Variants in RMND5A observed in about 807,000 individuals in gnomAD.
RMND5A encodes required for meiotic nuclear division 5 homolog A.
A neutral mutation model predicts 49.7 loss-of-function variants in RMND5A; 17 were observed. The ratio of observed to expected loss-of-function variants is 0.34; its 90% CI spans 0.23 to 0.51. RMND5A has a LOEUF of 0.51. Among genes scored for constraint, RMND5A ranks in the 20% least tolerant of loss-of-function variants. RMND5A has a pLI of 0.96. For synonymous variants in RMND5A, 156 were observed against 167.7 expected, an observed-to-expected ratio of 0.93 and a Z score of 0.54; for missense variants, 255 against 471.3, an observed-to-expected ratio of 0.54 and a Z score of 4.25.
chr2:86,766,142 C>T (rs1672587610), intron 6 of RMND5A, 118 bp downstream of exon 6: 8 of 877,150 alleles, frequency 9.1e-6, no homozygotes, highest in Non-Finnish European at 1.4e-5. Context: ...AAGAAGAGTG[C>T]AATTGGTATT....
chr2:86,749,344 A>G (rs927266236), intron 2 of RMND5A, among the ~76,000 whole-genome samples: 5 of 152,182 alleles, frequency 3.3e-5, no homozygotes, highest in African/African-American at 9.6e-5. Context: ...CATTATATGC[A>G]TGGATGCTCT....
chr2:86,760,206 G>A (rs949844755), intron 4 of RMND5A, among the ~76,000 whole-genome samples: 2 of 152,086 alleles, frequency 1.3e-5, no homozygotes, highest in East Asian at 1.9e-4. Flanking sequence ...CACCACACCC[G>A]ACTAATTTTG....
rs148528344 is a variant in RMND5A at position 86,759,686 on chromosome 2, G to C, written c.522-5341G>C. On this transcript the variant is annotated intron_variant, in intron 4 of 8. Coordinates refer to ENST00000283632, the MANE Select transcript of RMND5A (RefSeq NM_022780.4). ...GCGGTGGTGAGCACCTGTAACCCCA[G>C]CTACTCGGGAGGCTGAGGCACAAGA... Among the ~76,000 whole-genome samples, 1,122 of 142,574 alleles carry C rather than the reference G, an allele frequency of 7.9e-3. 21 individuals carry two copies. The highest frequency in any genetic ancestry group is 0.026 in the African/African-American group (1,039 of 39,878). The allele number at this position is 142,574 out of a possible 152,430, so 93.5% of individuals were successfully genotyped here.
At chr2:86,770,933 G>C (rs1370858333) in intron 7 of RMND5A, among the ~76,000 whole-genome samples, 2 of 152,210 alleles carry the variant, frequency 1.3e-5, no homozygotes, top group Non-Finnish European at 2.9e-5. Flanking sequence ...ACCCTGAAAA[G>C]CTAACATACG....
rs879204118 is a variant in RMND5A, at chr2:86,751,817, GAAAC to G, written c.286-75_286-72del. On this transcript the variant is annotated intron_variant, in intron 2 of 8. Coordinates refer to ENST00000283632, the MANE Select transcript of RMND5A (RefSeq NM_022780.4). ...GGTTCTTATTGGGGTATCTCAGACT[GAAAC>G]AAAGACCATTTTTTTCCTGTTAAGT... is the stretch of plus-strand genomic sequence containing the variant. 1.5e-4 allele frequency: 220 copies of G among 1,435,470 alleles called. 3 individuals carry two copies. The South Asian group carries it at 2.7e-3, about 17-fold the overall frequency. 88.9% of individuals were successfully genotyped at this position (1,435,470 alleles called of 1,614,324 possible). A position where few individuals can be genotyped will look rare whatever the true frequency, so the allele number is the denominator to read the frequency against.
At chr2:86,769,277 A>G (rs962612816) in intron 6 of RMND5A, among the ~76,000 whole-genome samples, 1 of 152,154 alleles carries the variant, frequency 6.6e-6, no homozygotes, top group Non-Finnish European at 1.5e-5. Context: ...CTTATTCTCA[A>G]TTCTGTACTT....
chr2:86,765,500 T>G (rs1436373936), intron 5 of RMND5A: 1 of 355,190 alleles, frequency 2.8e-6, no homozygotes, highest in Non-Finnish European at 5.1e-6. Flanking sequence ...CACAGCAAAG[T>G]GTCAGAGAGC....
intron 6 of RMND5A, among the ~76,000 whole-genome samples, chr2:86,769,557 G>C (rs568169879): frequency 6.6e-6 from 1 of 152,118 alleles, no homozygotes; most frequent in Admixed American, 6.5e-5. Context: ...CTTAATTCCT[G>C]CTCTTCATTT....
At chr2:86,749,579 G>A (rs1400998762) in intron 2 of RMND5A, among the ~76,000 whole-genome samples, 3 of 151,974 alleles carry the variant, frequency 2.0e-5, no homozygotes, top group African/African-American at 4.8e-5. Context: ...TAGTAGAGAC[G>A]AGGTTTCACC....
intron 1 of RMND5A, among the ~76,000 whole-genome samples, chr2:86,726,991 T>C (rs377651139): frequency 0.37 from 16,191 of 44,272 alleles, 6,342 homozygotes; most frequent in East Asian, 0.81. Flanking sequence ...TATTCCGTTA[T>C]GGATCCTTTC....
At chr2:86,769,610 A>G (rs1573446917) in intron 6 of RMND5A, among the ~76,000 whole-genome samples, 1 of 151,694 alleles carries the variant, frequency 6.6e-6, no homozygotes, top group Admixed American at 6.6e-5. Context: ...TTTAAAATGC[A>G]TGTTTTAAAA....
intron 2 of RMND5A, chr2:86,748,278 A>G (rs1363470715): frequency 5.9e-5 from 9 of 152,186 alleles, no homozygotes; most frequent in Admixed American, 5.2e-4. Context: ...CAACCTCTAT[A>G]TATTTTATAA....
At chr2:86,768,996 A>C (rs1672643713) in intron 6 of RMND5A, among the ~76,000 whole-genome samples, 1 of 152,156 alleles carries the variant, frequency 6.6e-6, no homozygotes, top group Non-Finnish European at 1.5e-5. Context: ...CCCAGGTTGG[A>C]GTGCAGTGGC....
At chr2:86,754,608 C>T (rs1048531504) in intron 4 of RMND5A, among the ~76,000 whole-genome samples, 1 of 151,996 alleles carries the variant, frequency 6.6e-6, no homozygotes, top group Non-Finnish European at 1.5e-5. Context: ...TCACTGTCAC[C>T]CAGGCTAGAG....
chr2:86,775,832 C>T lies in RMND5A; in HGVS notation c.*2421C>T, dbSNP rs908515294. ...GGATTTAAAGAGGCCAGACCTTAAC[C>T]AAAGATGCTGAGATACAGCATTCTG... On this transcript the variant is annotated 3_prime_UTR_variant, in exon 9 of 9. Coordinates refer to ENST00000283632, the MANE Select transcript of RMND5A (RefSeq NM_022780.4). The T allele has an allele frequency of 7.2e-5, 11 of 152,106 alleles. No individual in the cohort carries two copies. The highest frequency in any genetic ancestry group is 1.3e-4 in the Admixed American group (2 of 15,270). The allele number at this position is 152,106 out of a possible 1,614,324, so 9.4% of individuals were successfully genotyped here. A position where few individuals can be genotyped will look rare whatever the true frequency, so the allele number is the denominator to read the frequency against.
chr2:86,746,151 A>G (rs769798603), intron 2 of RMND5A, among the ~76,000 whole-genome samples: 8 of 152,204 alleles, frequency 5.3e-5, no homozygotes, highest in Non-Finnish European at 1.0e-4. Flanking sequence ...TTGGTATGTG[A>G]TAAACAAGGT....
intron 4 of RMND5A, among the ~76,000 whole-genome samples, chr2:86,760,225 G>A (rs937314862): frequency 3.3e-5 from 5 of 152,110 alleles, no homozygotes; most frequent in Non-Finnish European, 5.9e-5. Flanking sequence ...TGTATTTTCA[G>A]TAGAGATGGG....
At chr2:86,748,595 C>T (rs897136086) in intron 2 of RMND5A, 4 of 151,968 alleles carry the variant, frequency 2.6e-5, no homozygotes, top group African/African-American at 9.7e-5. Context: ...TGTAGCAAAC[C>T]CAAAGAAAAT....
Position 86,773,330 on chromosome 2 carries a change from TTTC to T in RMND5A, c.1113-12_1113-10del. 6.5e-7 allele frequency: 1 copy of T among 1,544,128 alleles called. No homozygotes were observed. On this transcript the variant is annotated splice_polypyrimidine_tract_variant and intron_variant, in intron 8 of 8. Coordinates refer to ENST00000283632, the MANE Select transcript of RMND5A (RefSeq NM_022780.4). ...CTGAGCCTGCTCCTTCACTCAGTGT[TTTC>T]TTCTTTGTCTTTAGATTAAAATGTC...
Sources: allele counts gnomAD v4.1 joint callset (sites outside exome capture counted in the v4.1 genomes callset), GRCh38; gene constraint gnomAD v4.1.1; transcripts MANE v1.5; gene names NCBI Gene and HGNC (gene_info 2026-07-23, HGNC 2026-07-21).